The following TLL1 variants were observed in gnomAD, a reference collection of about 807,000 sequenced individuals.
TLL1 encodes tolloid-like protein 1.
TLL1 carries 49 observed loss-of-function variants against 128.2 expected under a neutral mutation model. That is an observed-to-expected ratio of 0.38 (90% CI 0.30 to 0.48). The LOEUF is 0.48. TLL1 is among the 20% of genes least tolerant of loss of function. TLL1 has a pLI of 0.96. For missense variants in TLL1, 1,123 were observed against 1,242.0 expected, an observed-to-expected ratio of 0.90 and a Z score of 1.44; for synonymous variants, 454 against 418.8, an observed-to-expected ratio of 1.08 and a Z score of -1.03.
intron 1 of TLL1, among the ~76,000 whole-genome samples, chr4:165,967,240 G>A (rs1003263228): frequency 6.6e-6 from 1 of 152,160 alleles, no homozygotes; most frequent in African/African-American, 2.4e-5. Context: ...TGTTCCTTTG[G>A]ATGCCCAGAT....
At position 166,103,147 on chromosome 4, in the gene TLL1, C is replaced by T. The variant is rs1742365470; in HGVS notation, c.*2271C>T. On this transcript the variant is annotated 3_prime_UTR_variant, in exon 21 of 21. Coordinates refer to ENST00000061240, the MANE Select transcript of TLL1 (RefSeq NM_012464.5). ...AGTTAGATGTTGAAACCCAGTTTAT[C>T]TTATACAAATGAGCCTCTGCTTGTT... 6.6e-6 allele frequency: 1 copy of T among 151,840 alleles called. No individual in the cohort carries two copies. The allele number at this position is 151,840 out of a possible 1,614,324, so 9.4% of individuals were successfully genotyped here.
intron 1 of TLL1, among the ~76,000 whole-genome samples, chr4:165,976,801 T>C (rs1735904062): frequency 6.6e-6 from 1 of 152,234 alleles, no homozygotes. Context: ...GTTATCCATG[T>C]AGATCAAGCA....
Position 166,055,063 on chromosome 4 carries a change from T to G in TLL1, c.1525-13T>G. ...TATAAACATATATTTTCACATATTT[T>G]TTTCTGTTGCAGATTGAAAGACATG... On this transcript the variant is annotated splice_polypyrimidine_tract_variant and intron_variant, in intron 12 of 20. Coordinates refer to ENST00000061240, the MANE Select transcript of TLL1 (RefSeq NM_012464.5). The G allele has an allele frequency of 1.9e-6, 3 of 1,606,462 alleles. No homozygotes were observed. Among genetic ancestry groups the G allele is most frequent in the Non-Finnish European group, 2.5e-6 (3 of 1,176,962 alleles).
chr4:165,881,465 G>T (rs1730961192), intron 1 of TLL1, among the ~76,000 whole-genome samples: 1 of 152,192 alleles, frequency 6.6e-6, no homozygotes, highest in African/African-American at 2.4e-5. Flanking sequence ...ACTTGGCTCT[G>T]CAGTGAGACT....
chr4:166,015,633 A>C (rs905075510), intron 8 of TLL1, among the ~76,000 whole-genome samples: 1 of 151,950 alleles, frequency 6.6e-6, no homozygotes, highest in Non-Finnish European at 1.5e-5. Context: ...ATGGTATAGA[A>C]CCCTTCTGTT....
intron 17 of TLL1, among the ~76,000 whole-genome samples, chr4:166,076,146 G>A (rs948288099): frequency 3.9e-5 from 6 of 152,042 alleles, no homozygotes; most frequent in Non-Finnish European, 5.9e-5. Flanking sequence ...GATCTCAGCT[G>A]ATTGCAGCCT....
intron 1 of TLL1, among the ~76,000 whole-genome samples, chr4:165,910,670 A>G (rs1208364284): frequency 6.6e-6 from 1 of 152,220 alleles, no homozygotes; most frequent in African/African-American, 2.4e-5. Context: ...CTCTGATAAC[A>G]CTATAAGGCT....
At chr4:166,032,309 A>T (rs1365156395) in intron 9 of TLL1, among the ~76,000 whole-genome samples, 2 of 152,142 alleles carry the variant, frequency 1.3e-5, no homozygotes, top group East Asian at 3.8e-4. Flanking sequence ...TTCCAAATTA[A>T]ATTCCAATAG....
intron 1 of TLL1, among the ~76,000 whole-genome samples, chr4:165,918,326 G>T (rs1732877419): frequency 6.6e-6 from 1 of 152,100 alleles, no homozygotes; most frequent in Admixed American, 6.5e-5. Flanking sequence ...ACACTTACAG[G>T]CTAAGAATCT....
At chr4:165,893,361 T>C (rs1013732911) in intron 1 of TLL1, among the ~76,000 whole-genome samples, 2 of 152,150 alleles carry the variant, frequency 1.3e-5, no homozygotes, top group Admixed American at 6.5e-5. Flanking sequence ...GGAAAAGAAA[T>C]AAAGTGAGTC....
intron 1 of TLL1, 133 bp from the exon 2 acceptor site, chr4:165,989,248 T>C (rs1736524889): frequency 7.3e-6 from 5 of 688,618 alleles, no homozygotes; most frequent in Admixed American, 2.4e-5. Context: ...CATTCAGTTA[T>C]GATTACTTTC....
intron 1 of TLL1, among the ~76,000 whole-genome samples, chr4:165,886,488 G>A (rs17689534): frequency 0.02 from 3,116 of 152,218 alleles, 72 homozygotes; most frequent in East Asian, 0.1. Context: ...TAGAAAAAAA[G>A]TAACAAATAC....
chr4:166,023,450 A>G (rs1042644341), intron 8 of TLL1, among the ~76,000 whole-genome samples: 2 of 152,208 alleles, frequency 1.3e-5, no homozygotes, highest in Non-Finnish European at 2.9e-5. Context: ...CTTGCTGTCA[A>G]TGAACAGTCT....
At chr4:165,978,121 T>C (rs924731067) in intron 1 of TLL1, among the ~76,000 whole-genome samples, 1 of 152,180 alleles carries the variant, frequency 6.6e-6, no homozygotes, top group Non-Finnish European at 1.5e-5. Flanking sequence ...GCCTTATTGC[T>C]TTCTGGTATT....
At chr4:166,063,726 C>A (rs1365619731) in intron 15 of TLL1, among the ~76,000 whole-genome samples, 1 of 152,052 alleles carries the variant, frequency 6.6e-6, no homozygotes, top group African/African-American at 2.4e-5. Context: ...TCATTCTGAG[C>A]AAACTATCGC....
chr4:165,915,397 G>A (rs1732734189), intron 1 of TLL1, among the ~76,000 whole-genome samples: 1 of 152,198 alleles, frequency 6.6e-6, no homozygotes, highest in Admixed American at 6.5e-5. Flanking sequence ...TGTGGTTAGG[G>A]CTGAATGTTT....
intron 15 of TLL1, among the ~76,000 whole-genome samples, chr4:166,061,905 G>A (rs1354472262): frequency 6.6e-6 from 1 of 152,090 alleles, no homozygotes; most frequent in Non-Finnish European, 1.5e-5. Flanking sequence ...TAAGGTGTAA[G>A]GAAAGGACCC....
At chr4:166,058,092 G>C (rs1740115590) in intron 14 of TLL1, among the ~76,000 whole-genome samples, 1 of 151,792 alleles carries the variant, frequency 6.6e-6, no homozygotes. Context: ...TAATGTATCT[G>C]TAGATATCTC....
Position 165,989,204 on chromosome 4 carries a change from G to GCTATATTTACAAAT in TLL1, c.170-177_170-176insCTATATTTACAAAT, listed in dbSNP as rs781362574. Among the ~76,000 whole-genome samples, 599 of 152,142 alleles carry GCTATATTTACAAAT rather than the reference G, an allele frequency of 3.9e-3. 4 individuals are homozygous for GCTATATTTACAAAT. Among genetic ancestry groups the GCTATATTTACAAAT allele is most frequent in the African/African-American group, 0.013 (539 of 41,526 alleles). On this transcript the variant is annotated intron_variant, in intron 1 of 20. Transcript: ENST00000061240. ...AAAAATGGAGTTATGCCCTTTTACA[G>GCTATATTTACAAAT]GTAGCTAATATTTGTCCTGTAACAG...
Sources: gnomAD v4.1 joint callset for allele counts (sites outside exome capture counted in the v4.1 genomes callset) on GRCh38, gnomAD v4.1.1 for gene constraint, MANE v1.5 for transcripts, NCBI Gene and HGNC (gene_info 2026-07-23, HGNC 2026-07-21) for gene names.